MAP7: variants seen among roughly 807,000 people sequenced by gnomAD.
MAP7 encodes the protein ensconsin.
MAP7 carries 52 observed loss-of-function variants against 94.8 expected under a neutral mutation model. That is an observed-to-expected ratio of 0.55 (90% CI 0.44 to 0.69). The LOEUF is 0.69. Among genes scored for constraint, MAP7 ranks in the 30% least tolerant of loss-of-function variants. The pLI is 0.00. For synonymous variants in MAP7, 350 were observed against 357.0 expected, an observed-to-expected ratio of 0.98 and a Z score of 0.22; for missense variants, 940 against 964.6, an observed-to-expected ratio of 0.97 and a Z score of 0.34.
intron 3 of MAP7, among the ~76,000 whole-genome samples, chr6:136,392,443 C>A (rs1361034266): frequency 7.4e-6 from 1 of 135,912 alleles, no homozygotes; most frequent in African/African-American, 2.7e-5. Context: ...TTTTCTATAT[C>A]AACACATGAA....
rs1368843672 is a variant in MAP7 at position 136,411,641 on chromosome 6, C to T, written c.223G>A (p.Glu75Lys). 1 of 1,562,776 alleles carries T rather than the reference C, an allele frequency of 6.4e-7. No homozygotes were observed. The highest frequency in any genetic ancestry group is 8.7e-7 in the Non-Finnish European group (1 of 1,152,462). Residue 75 changes from glutamate (E) to lysine (K), a missense_variant, in exon 3 of 18, where the codon GAG (glutamate) becomes AAG (lysine). By Grantham distance (56) the Glu-to-Lys change is moderately conservative. Coordinates refer to ENST00000354570, the MANE Select transcript of MAP7 (RefSeq NM_003980.6). ...DRQRLARERR[E>K]EREKQLAARE... ...GTACCTAGCTGTTTCTCCCGTTCCT[C>T]ACGTCGCTCCCGGGCCAGCCGCTGC...
In MAP7 at chr6:136,469,485, G is replaced by T. The variant is rs1240935754; in HGVS notation, c.68-47686C>A. 2.6e-5 allele frequency among the ~76,000 whole-genome samples: 4 copies of T among 152,052 alleles called. No homozygotes were observed. In the East Asian group the frequency reaches 7.7e-4, roughly 29 times the overall value. On this transcript the variant is annotated intron_variant, in intron 1 of 17. Coordinates refer to ENST00000354570, the MANE Select transcript of MAP7 (RefSeq NM_003980.6). ...CAACCTCTGCCTCCTGGACTCAAGT[G>T]ATCCTCCCATCTCAGCCTCTCGAGT...
At chr6:136,427,114 T>C (rs1334488586) in intron 1 of MAP7, among the ~76,000 whole-genome samples, 1 of 152,254 alleles carries the variant, frequency 6.6e-6, no homozygotes, top group African/African-American at 2.4e-5. Context: ...GTGAAACTTA[T>C]GTCTGTCCCT....
intron 1 of MAP7, among the ~76,000 whole-genome samples, chr6:136,538,798 C>CAAAAAAA (rs397836178): frequency 3.0e-5 from 2 of 65,900 alleles, no homozygotes; most frequent in African/African-American, 1.2e-4. Context: ...GATTTTGTCT[C>CAAAAAAA]AAAAAAAAAA....
chr6:136,356,431 G>A (rs1685455118), intron 16 of MAP7, among the ~76,000 whole-genome samples: 1 of 152,110 alleles, frequency 6.6e-6, no homozygotes, highest in African/African-American at 2.4e-5. Flanking sequence ...CTCCCAAAGT[G>A]TTGGGATTAC....
At position 136,482,159 on chromosome 6, in the gene MAP7, G is replaced by A. The variant is rs114830713; in HGVS notation, c.68-60360C>T. ...GGTGAGTTTGCAGAGAAAAGGCAAC[G>A]CTTATATATTGCTGGTGGGCATGTA... On this transcript the variant is annotated intron_variant, in intron 1 of 17. Transcript: ENST00000354570. Among the ~76,000 whole-genome samples the A allele has an allele frequency of 5.9e-3, 903 of 152,254 alleles. 9 individuals are homozygous for A. The highest frequency in any genetic ancestry group is 0.021 in the African/African-American group (862 of 41,552).
At position 136,346,668 on chromosome 6, in the gene MAP7, T is replaced by G. The variant is rs144906741; in HGVS notation, c.2016-589A>C. Among the ~76,000 whole-genome samples, 1,112 of 152,282 alleles carry G rather than the reference T, an allele frequency of 7.3e-3. 5 individuals are homozygous for G. The highest frequency in any genetic ancestry group is 0.012 in the Non-Finnish European group (843 of 68,016). ...CATCATTAATAGAAATAAATCATCA[T>G]CAGCAGCAGTTCTACACATTTAATG... On this transcript the variant is annotated intron_variant, in intron 16 of 17. Transcript: ENST00000354570.
At chr6:136,352,693 T>C (rs753059982) in intron 16 of MAP7, among the ~76,000 whole-genome samples, 7 of 152,148 alleles carry the variant, frequency 4.6e-5, no homozygotes, top group Non-Finnish European at 1.0e-4. Flanking sequence ...GTAAACATAA[T>C]AGGAGGATTC....
Position 136,372,598 on chromosome 6 carries a change from T to TAGGG in MAP7, c.775_778dup (p.Tyr260SerfsTer8). The TAGGG allele has an allele frequency of 6.2e-7, 1 of 1,614,158 alleles. No homozygotes were observed. On this transcript the variant is annotated frameshift_variant, in exon 8 of 18. Transcript: ENST00000354570. LOFTEE classifies it high-confidence loss of function. ...CGAATTTCTAGAGTGTGCAGCTTTG[T>TAGGG]AGGGCATGATGATGGGGCTGCAAGA...
intron 16 of MAP7, among the ~76,000 whole-genome samples, chr6:136,351,511 A>G (rs1789208505): frequency 6.6e-6 from 1 of 152,214 alleles, no homozygotes; most frequent in Non-Finnish European, 1.5e-5. Flanking sequence ...CCATGTCCAG[A>G]TGAGAAAACT....
chr6:136,346,931 TA>T lies in MAP7; in HGVS notation c.2016-853del, dbSNP rs1233721634. 2.0e-5 allele frequency among the ~76,000 whole-genome samples: 3 copies of T among 152,236 alleles called. No homozygotes were observed. The East Asian group carries it at 5.8e-4, about 29-fold the overall frequency. On this transcript the variant is annotated intron_variant, in intron 16 of 17. Transcript: ENST00000354570. ...ATTCCAGCCTCCTAAAGCCCTTGCATAATTTCATATGTAAATTTTTGAAGAC... is the reference window on the plus strand; with the variant it reads ...ATTCCAGCCTCCTAAAGCCCTTGCATATTTCATATGTAAATTTTTGAAGAC...
At chr6:136,344,876 G>C (rs1414945406) in intron 17 of MAP7, among the ~76,000 whole-genome samples, 1 of 152,216 alleles carries the variant, frequency 6.6e-6, no homozygotes, top group Non-Finnish European at 1.5e-5. Flanking sequence ...CGAATTAAAA[G>C]TTGATTTATT....
rs113313119 is a variant in MAP7 at position 136,388,031 on chromosome 6, T to C, written c.526+362A>G. On this transcript the variant is annotated intron_variant, in intron 5 of 17. Transcript: ENST00000354570. ...TGATTCTGGTCAGTCAATATAACTA[T>C]AATCCTTCCAGAGAAAAAGATAAAA... 3.6e-3 allele frequency among the ~76,000 whole-genome samples: 544 copies of C among 152,290 alleles called. 4 individuals carry two copies. Among genetic ancestry groups the C allele is most frequent in the African/African-American group, 0.012 (508 of 41,562 alleles).
intron 3 of MAP7, among the ~76,000 whole-genome samples, chr6:136,395,346 G>C (rs1476810863): frequency 6.8e-6 from 1 of 146,658 alleles, no homozygotes; most frequent in Non-Finnish European, 1.5e-5. Flanking sequence ...GATGCCTGTT[G>C]GTTATTTCTA....
chr6:136,367,464 G>A (rs1000090158), intron 8 of MAP7, among the ~76,000 whole-genome samples: 3 of 152,056 alleles, frequency 2.0e-5, no homozygotes, highest in African/African-American at 7.2e-5. Flanking sequence ...CTCAAGCATC[G>A]ACTCCTCTTT....
At chr6:136,448,632 C>T (rs1343360818) in intron 1 of MAP7, among the ~76,000 whole-genome samples, 1 of 151,972 alleles carries the variant, frequency 6.6e-6, no homozygotes, top group Non-Finnish European at 1.5e-5. Flanking sequence ...GCAGGATGGT[C>T]TCGATCTCCT....
intron 1 of MAP7, among the ~76,000 whole-genome samples, chr6:136,480,641 C>CAAAAAAAAAAAA (rs769951186): frequency 2.4e-3 from 49 of 20,124 alleles, no homozygotes; most frequent in Non-Finnish European, 3.5e-3. Flanking sequence ...GACTCTGCCT[C>CAAAAAAAAAAAA]AAAAAAAAAA....
intron 15 of MAP7, among the ~76,000 whole-genome samples, chr6:136,359,431 A>G (rs1204121087): frequency 6.6e-6 from 1 of 152,224 alleles, no homozygotes; most frequent in Non-Finnish European, 1.5e-5. Context: ...CTTTCTTAAG[A>G]GGAAATATAA....
chr6:136,426,808 G>A (rs1793306435), intron 1 of MAP7, among the ~76,000 whole-genome samples: 2 of 152,184 alleles, frequency 1.3e-5, no homozygotes, highest in South Asian at 4.1e-4. Flanking sequence ...ACTTTCTCGT[G>A]AAGGCAATGG....
Sources: allele counts gnomAD v4.1 joint callset (sites outside exome capture counted in the v4.1 genomes callset), GRCh38; gene constraint gnomAD v4.1.1; transcripts MANE v1.5; gene names NCBI Gene and HGNC (gene_info 2026-07-23, HGNC 2026-07-21).